ENOX1: variants seen among roughly 807,000 people sequenced by gnomAD.
ENOX1 encodes the protein candidate growth-related and time keeping constitutive hydroquinone (NADH) oxidase.
ENOX1 carries 42 observed loss-of-function variants against 82.5 expected under a neutral mutation model. The ratio of observed to expected loss-of-function variants is 0.51; its 90% CI spans 0.40 to 0.66. The LOEUF is 0.66. Among genes scored for constraint, ENOX1 ranks in the 30% least tolerant of loss-of-function variants. The pLI, the probability that ENOX1 is intolerant of heterozygous loss-of-function variation, is 0.00. For missense variants in ENOX1, 608 were observed against 811.6 expected (o/e 0.75, Z 3.05); for synonymous variants, 271 against 282.2 (o/e 0.96, Z 0.40).
chr13:43,372,472 C>T (rs2051306449), intron 5 of ENOX1, among the ~76,000 whole-genome samples: 1 of 152,100 alleles, frequency 6.6e-6, no homozygotes, highest in African/African-American at 2.4e-5. Context: ...TAAGTATGGT[C>T]TCATCTAAAT....
At chr13:43,693,574 T>C (rs1464176211) in intron 1 of ENOX1, among the ~76,000 whole-genome samples, 1 of 152,212 alleles carries the variant, frequency 6.6e-6, no homozygotes, top group Non-Finnish European at 1.5e-5. Flanking sequence ...AACTGTTTCA[T>C]ATCCATTCAA....
chr13:43,626,005 A>T (rs2082947228), intron 2 of ENOX1, among the ~76,000 whole-genome samples: 1 of 151,888 alleles, frequency 6.6e-6, no homozygotes. Context: ...AAAATTATAA[A>T]TCATATTTCC....
intron 2 of ENOX1, among the ~76,000 whole-genome samples, chr13:43,520,655 G>A (rs906933424): frequency 2.0e-4 from 31 of 152,102 alleles, no homozygotes; most frequent in African/African-American, 7.5e-4. Context: ...AGGCTTTGCC[G>A]GGGGGCGGCC....
Position 43,260,277 on chromosome 13 carries a change from T to C in ENOX1, c.1611+5121A>G, listed in dbSNP as rs11619217. 9.5e-3 allele frequency among the ~76,000 whole-genome samples: 1,452 copies of C among 152,052 alleles called. 19 individuals are homozygous for C. The highest frequency in any genetic ancestry group is 0.028 in the African/African-American group (1,144 of 41,562). ...TGACGTGAAAAACTGAAAAGTCTTTTTTCTTTTGTGTTTTTGTTTCACTGG... is the reference window on the plus strand; with the variant it reads ...TGACGTGAAAAACTGAAAAGTCTTTCTTCTTTTGTGTTTTTGTTTCACTGG... On this transcript the variant is annotated intron_variant, in intron 14 of 16. Coordinates refer to ENST00000690772, the MANE Select transcript of ENOX1 (RefSeq NM_001347969.2).
chr13:43,518,716 A>C (rs1204621342), intron 2 of ENOX1, among the ~76,000 whole-genome samples: 3 of 152,090 alleles, frequency 2.0e-5, no homozygotes, highest in Non-Finnish European at 4.4e-5. Flanking sequence ...TGTTGATCAG[A>C]TATGTTGATA....
chr13:43,549,577 G>A (rs1419287711), intron 2 of ENOX1, among the ~76,000 whole-genome samples: 4 of 152,072 alleles, frequency 2.6e-5, no homozygotes, highest in South Asian at 2.1e-4. Context: ...AAATAGTTAC[G>A]GCACAAAAAT....
At chr13:43,547,363 C>A (rs1419179322) in intron 2 of ENOX1, 1 of 152,170 alleles carries the variant, frequency 6.6e-6, no homozygotes, top group Non-Finnish European at 1.5e-5. Context: ...AAAATAGTTT[C>A]AAACAGAGAG....
At chr13:43,644,177 T>C (rs754094398) in intron 2 of ENOX1, among the ~76,000 whole-genome samples, 1 of 152,194 alleles carries the variant, frequency 6.6e-6, no homozygotes, top group Non-Finnish European at 1.5e-5. Flanking sequence ...GTACCAGCAC[T>C]TGTGATAGAA....
chr13:43,552,961 T>A (rs1333407773), intron 2 of ENOX1, among the ~76,000 whole-genome samples: 1 of 152,022 alleles, frequency 6.6e-6, no homozygotes, highest in East Asian at 1.9e-4. Flanking sequence ...CTAATAGAAG[T>A]AGTCATGATA....
chr13:43,708,759 G>T (rs1362907826), intron 1 of ENOX1, among the ~76,000 whole-genome samples: 1 of 152,144 alleles, frequency 6.6e-6, no homozygotes, highest in Non-Finnish European at 1.5e-5. Flanking sequence ...ACGATTCATA[G>T]AGCTACATAT....
intron 9 of ENOX1, among the ~76,000 whole-genome samples, chr13:43,339,227 G>A (rs775051737): frequency 2.6e-5 from 4 of 152,188 alleles, no homozygotes; most frequent in African/African-American, 9.7e-5. Flanking sequence ...GACTTGTGAC[G>A]TTTTTCAAAC....
intron 8 of ENOX1, among the ~76,000 whole-genome samples, chr13:43,348,483 G>T (rs116407884): frequency 0.01 from 1,589 of 152,198 alleles, 26 homozygotes; most frequent in African/African-American, 0.037. Context: ...GTTACCCTAG[G>T]TCTCAGTTAA....
chr13:43,416,861 G>A (rs570227144), intron 3 of ENOX1, among the ~76,000 whole-genome samples: 10 of 152,310 alleles, frequency 6.6e-5, no homozygotes, highest in East Asian at 3.9e-4. Flanking sequence ...AAGGCAGGCC[G>A]CTGGGAGGTG....
chr13:43,247,498 A>T (rs1011538351), intron 14 of ENOX1, among the ~76,000 whole-genome samples: 2 of 152,006 alleles, frequency 1.3e-5, no homozygotes, highest in African/African-American at 4.8e-5. Flanking sequence ...GAGATTTTTC[A>T]TGGTAGTACT....
chr13:43,436,059 T>G (rs1359389679), intron 3 of ENOX1, among the ~76,000 whole-genome samples: 1 of 152,224 alleles, frequency 6.6e-6, no homozygotes, highest in Non-Finnish European at 1.5e-5. Flanking sequence ...AGGACATAGC[T>G]GCCTCTTTAC....
At chr13:43,286,238 C>G (rs2045696587) in intron 12 of ENOX1, among the ~76,000 whole-genome samples, 1 of 152,200 alleles carries the variant, frequency 6.6e-6, no homozygotes. Flanking sequence ...TGACAATGGT[C>G]AGCGTGGTAG....
chr13:43,488,999 T>C (rs1348214508), intron 2 of ENOX1, among the ~76,000 whole-genome samples: 2 of 152,152 alleles, frequency 1.3e-5, no homozygotes, highest in Non-Finnish European at 2.9e-5. Context: ...AGCTTGGACA[T>C]GTGGAGAATA....
At chr13:43,704,673 C>T (rs754320794) in intron 1 of ENOX1, among the ~76,000 whole-genome samples, 13 of 152,062 alleles carry the variant, frequency 8.5e-5, no homozygotes, top group Non-Finnish European at 1.6e-4. Context: ...ACCTGAATCC[C>T]GCATTTAAAT....
At chr13:43,713,302 G>A (rs1299776556) in intron 1 of ENOX1, among the ~76,000 whole-genome samples, 1 of 152,132 alleles carries the variant, frequency 6.6e-6, no homozygotes, top group Non-Finnish European at 1.5e-5. Context: ...ATGTGCTGCT[G>A]GATTCAGTTT....
Sources: allele counts gnomAD v4.1 joint callset (sites outside exome capture counted in the v4.1 genomes callset), GRCh38; gene constraint gnomAD v4.1.1; transcripts MANE v1.5; gene names NCBI Gene and HGNC (gene_info 2026-07-23, HGNC 2026-07-21).